ATP6AP1: variants seen among roughly 807,000 people sequenced by gnomAD.
The protein encoded by ATP6AP1 is ATPase H+ transporting accessory protein 1.
A neutral mutation model predicts 32.0 loss-of-function variants in ATP6AP1; 1 was observed. The ratio of observed to expected loss-of-function variants is 0.03; its 90% confidence interval spans 0.01 to 0.15. ATP6AP1 has a LOEUF of 0.15. Among genes scored for constraint, ATP6AP1 ranks in the 10% least tolerant of loss-of-function variants. The pLI is 1.00. For synonymous variants in ATP6AP1, 187 were observed against 174.9 expected, an observed-to-expected ratio of 1.07 and a Z score of -0.55; for missense variants, 297 against 398.8, an observed-to-expected ratio of 0.74 and a Z score of 2.17.
Position 154,436,195 on chromosome X carries a change from A to G in ATP6AP1, c.*304A>G, listed in dbSNP as rs2068718765. On this transcript the variant is annotated 3_prime_UTR_variant, in exon 10 of 10. Transcript: ENST00000369762. ...TTTCTCCTTATTTATTCTTGTGGCT[A>G]CATCATCCCTGGCTGTGGATAGTGC... The G allele has an allele frequency of 3.0e-6, 1 of 329,702 alleles. No homozygotes were observed. The highest frequency in any genetic ancestry group is 5.3e-6 in the Non-Finnish European group (1 of 189,110). 27.2% of individuals were successfully genotyped at this position (329,702 alleles called of 1,213,427 possible).
intron 7 of ATP6AP1, 101 bp from the exon 8 acceptor site, chrX:154,435,038 C>G: frequency 1.0e-6 from 1 of 966,100 alleles, no homozygotes; most frequent in Non-Finnish European, 1.4e-6. Context: ...TGCAAGGACC[C>G]AAGGCAGCTT....
At chrX:154,431,796 A>G in intron 2 of ATP6AP1, 34 bp from the exon 3 acceptor site, 1 of 1,201,029 alleles carries the variant, frequency 8.3e-7, no homozygotes, top group Non-Finnish European at 1.1e-6. Context: ...CACTTGCCAA[A>G]CCTCCTCAGA....
At position 154,432,336 on chromosome X, in the gene ATP6AP1, C is replaced by T. The variant is rs782585256; in HGVS notation, c.434C>T (p.Thr145Ile). The change falls in exon 4 of 10, where the codon ACC (threonine) becomes ATC (isoleucine). Residue 145 changes from threonine to isoleucine, a missense_variant. By Grantham distance (89) the Thr-to-Ile change is moderately conservative (BLOSUM62 -1). Transcript: ENST00000369762. ...GACTGGTATGCAGTCAGCACTCTGA[C>T]CACTTACCTGCAGGAGAAGCTCGGG... ...AVDWYAVSTL[T>I]TYLQEKLGAS... is the part of the protein sequence containing the mutation. The T allele has an allele frequency of 3.3e-6, 4 of 1,212,406 alleles. No homozygotes were observed. In the Admixed American group the frequency reaches 8.7e-5, roughly 26 times the overall value.
At chrX:154,432,057 G>A (rs1288636823) in intron 3 of ATP6AP1, among the ~76,000 whole-genome samples, 153 bp downstream of exon 3, 2 of 112,093 alleles carry the variant, frequency 1.8e-5, no homozygotes, top group African/African-American at 6.5e-5. Context: ...AACAACAAAA[G>A]CCACCTCATA....
intron 4 of ATP6AP1, among the ~76,000 whole-genome samples, chrX:154,432,696 G>A (rs781817555): frequency 3.6e-5 from 4 of 112,361 alleles, no homozygotes; most frequent in East Asian, 2.8e-4. Flanking sequence ...TGAGCCCTGC[G>A]GGTGGGGAGC....
intron 4 of ATP6AP1, among the ~76,000 whole-genome samples, 185 bp from the exon 5 acceptor site, chrX:154,432,746 C>A (rs1388710972): frequency 5.4e-5 from 6 of 111,751 alleles, no homozygotes; most frequent in African/African-American, 2.0e-4. Flanking sequence ...AGCAGGTGGC[C>A]AGGACTTGAG....
Position 154,435,122 on chromosome X carries a change from T to C in ATP6AP1, c.924-17T>C, listed in dbSNP as rs781923057. The C allele has an allele frequency of 8.6e-5, 104 of 1,205,189 alleles. No homozygotes were observed. In the East Asian group the frequency reaches 3.1e-3, roughly 35 times the overall value. ...CTCCCAGAGCCTCACAGTGCGCCTC[T>C]TTCTCTGGCCCCACAGGCTCTCACT... On this transcript the variant is annotated splice_polypyrimidine_tract_variant and intron_variant, in intron 7 of 9. Transcript: ENST00000369762.
rs1557196970 is a variant in ATP6AP1, at chrX:154,432,417, G to C, written c.515G>C (p.Ser172Thr). 1 of 1,202,666 alleles carries C rather than the reference G, an allele frequency of 8.3e-7. No homozygotes were observed. Among genetic ancestry groups the C allele is most frequent in the Non-Finnish European group, 1.1e-6 (1 of 890,864 alleles). ...ATLRELKLNA[S>T]LPALLLIRLP... Reference sequence around the variant, plus strand: ...CTGCGGGAGCTGAAGCTCAATGCCAGCCTCCCTGCTCTGCTGCTCATTCGC... The same window carrying C: ...CTGCGGGAGCTGAAGCTCAATGCCACCCTCCCTGCTCTGCTGCTCATTCGC... The change falls in exon 4 of 10, where the codon AGC becomes ACC. Residue 172 changes from serine to threonine, a missense_variant. Coordinates refer to ENST00000369762, the MANE Select transcript of ATP6AP1 (RefSeq NM_001183.6).
At position 154,432,353 on chromosome X, in the gene ATP6AP1, A is replaced by C. The variant is rs782418554; in HGVS notation, c.451A>C (p.Lys151Gln). 3 of 1,211,079 alleles carry C rather than the reference A, an allele frequency of 2.5e-6. No homozygotes were observed. Among genetic ancestry groups the C allele is most frequent in the African/African-American group, 1.7e-5 (1 of 57,637 alleles). ...CACTCTGACCACTTACCTGCAGGAG[A>C]AGCTCGGGGCCAGCCCCTTGCATGT... ...VSTLTTYLQE[K>Q]LGASPLHVDL... The change falls in exon 4 of 10, where the codon AAG (lysine) becomes CAG (glutamine). Residue 151 changes from lysine (K) to glutamine (Q), a missense_variant. Lys to Gln is a moderately conservative substitution (Grantham distance 53). Around this residue, in one of 2 missense-constraint regions of ATP6AP1, gnomAD observed 142 missense variants for 145.0 expected, o/e 0.98. Transcript: ENST00000369762.
chrX:154,432,231 G>A, intron 3 of ATP6AP1, 35 bp from the exon 4 acceptor site: 1 of 1,154,378 alleles, frequency 8.7e-7, no homozygotes, highest in African/African-American at 1.8e-5. Flanking sequence ...ACTGGCCCCT[G>A]GCTAACTCAC....
At position 154,436,169 on chromosome X, in the gene ATP6AP1, C is replaced by G. The variant is rs782250980; in HGVS notation, c.*278C>G. On this transcript the variant is annotated 3_prime_UTR_variant, in exon 10 of 10. Coordinates refer to ENST00000369762, the MANE Select transcript of ATP6AP1 (RefSeq NM_001183.6). ...TAAGGGACATGAATTCTAGGGTCTC[C>G]TTTCTCCTTATTTATTCTTGTGGCT... 2.0e-4 allele frequency: 74 copies of G among 367,918 alleles called. 1 individual carries two copies. The South Asian group carries it at 3.7e-3, about 18-fold the overall frequency. 30.3% of individuals were successfully genotyped at this position (367,918 alleles called of 1,213,427 possible).
In ATP6AP1 at chrX:154,428,718, G is replaced by T. The variant is rs782582475; in HGVS notation, c.26G>T (p.Arg9Leu). The change falls in exon 1 of 10, where the codon CGA (arginine) becomes CTA (leucine). Residue 9 changes from arginine (R) to leucine (L), a missense_variant. Physicochemically the swap from Arg to Leu is moderately radical, Grantham distance 102. Transcript: ENST00000369762. MMAAMATARVRMGPRCAQA... is the reference protein window; with the variant it reads MMAAMATALVRMGPRCAQA... ...ATGATGGCGGCCATGGCGACGGCTC[G>T]AGTGCGGATGGGGCCGCGGTGCGCC... The T allele has an allele frequency of 1.7e-6, 2 of 1,149,789 alleles. No homozygotes were observed. Among genetic ancestry groups the T allele is most frequent in the Middle Eastern group, 2.4e-4 (1 of 4,202 alleles). 94.8% of individuals were successfully genotyped at this position (1,149,789 alleles called of 1,213,427 possible). A position where few individuals can be genotyped will look rare whatever the true frequency, so the allele number is the denominator to read the frequency against.
In ATP6AP1 at chrX:154,435,875, T is replaced by C. The variant is rs782069740; in HGVS notation, c.1397T>C (p.Leu466Ser). 1.6e-5 allele frequency: 19 copies of C among 1,207,252 alleles called. No individual in the cohort carries two copies. In the South Asian group the frequency reaches 2.6e-4, roughly 17 times the overall value. Reference sequence around the variant, plus strand: ...GACCACAAGGGCCCCACTATTTCTTTGACCCAGATTGTGTGACCCTGTGCC... The same window carrying C: ...GACCACAAGGGCCCCACTATTTCTTCGACCCAGATTGTGTGACCCTGTGCC... Reference protein sequence around the residue: ...FDDHKGPTISLTQIV With the variant: ...FDDHKGPTISSTQIV Residue 466 changes from leucine to serine, a missense_variant, in exon 10 of 10, where the codon TTG becomes TCG. By Grantham distance (145) the Leu-to-Ser change is moderately radical (BLOSUM62 -2). Coordinates refer to ENST00000369762, the MANE Select transcript of ATP6AP1 (RefSeq NM_001183.6).
rs1603384235 is a variant in ATP6AP1 at position 154,432,861 on chromosome X, C to T, written c.558-70C>T. 1.7e-5 allele frequency: 19 copies of T among 1,143,501 alleles called. No homozygotes were observed. The Middle Eastern group carries it at 7.2e-4, about 44-fold the overall frequency. The allele number at this position is 1,143,501 out of a possible 1,213,427, so 94.2% of individuals were successfully genotyped here. On this transcript the variant is annotated intron_variant, in intron 4 of 9. Transcript: ENST00000369762. Reference sequence around the variant, plus strand: ...GCTAGTGGGGAGGAGAAGCTGGGGTCGGGGAAGGGTAGTGGGCAGTGCAGG... The same window carrying T: ...GCTAGTGGGGAGGAGAAGCTGGGGTTGGGGAAGGGTAGTGGGCAGTGCAGG...
At chrX:154,434,656 C>T (rs190219817) in intron 7 of ATP6AP1, among the ~76,000 whole-genome samples, 1 of 111,706 alleles carries the variant, frequency 9.0e-6, no homozygotes, top group African/African-American at 3.3e-5. Flanking sequence ...TCTGCCTCCC[C>T]ATGCTTGCGA....
At position 154,428,714 on chromosome X, in the gene ATP6AP1, G is replaced by A. The variant is rs1476028984; in HGVS notation, c.22G>A (p.Ala8Thr). The change falls in exon 1 of 10, where the codon GCT becomes ACT. Residue 8 changes from alanine to threonine, a missense_variant. Transcript: ENST00000369762. ...GGCTATGATGGCGGCCATGGCGACG[G>A]CTCGAGTGCGGATGGGGCCGCGGTG... MMAAMAT[A>T]RVRMGPRCAQ... 6 of 1,149,204 alleles carry A rather than the reference G, an allele frequency of 5.2e-6. No homozygotes were observed. The highest frequency in any genetic ancestry group is 6.9e-6 in the Non-Finnish European group (6 of 868,519). 94.7% of individuals were successfully genotyped at this position (1,149,204 alleles called of 1,213,427 possible).
chrX:154,433,051 C>T (rs377497443), intron 5 of ATP6AP1, 80 bp downstream of exon 5: 1,233 of 1,099,801 alleles, frequency 1.1e-3, no homozygotes, highest in Non-Finnish European at 1.3e-3. Context: ...TGCAGTTCCT[C>T]GGCCTCCTCA....
rs2068715108 is a variant in ATP6AP1 at position 154,435,607 on chromosome X, C to T, written c.1204-75C>T. The T allele has an allele frequency of 6.0e-6, 7 of 1,167,281 alleles. No homozygotes were observed. In the South Asian group the frequency reaches 1.1e-4, roughly 18 times the overall value. ...TGGGCATGTAGTTGAGAGTCCTGTC[C>T]CTGCGCTGCCCCTGTCCCAGTTCTT... is the stretch of plus-strand genomic sequence containing the variant. On this transcript the variant is annotated intron_variant, in intron 9 of 9. Transcript: ENST00000369762.
chrX:154,433,346 C>T (rs2068703618), intron 5 of ATP6AP1, among the ~76,000 whole-genome samples: 1 of 112,499 alleles, frequency 8.9e-6, no homozygotes, highest in Non-Finnish European at 1.9e-5. Context: ...GAAAGGCAGT[C>T]GTGAACCTTT....
Sources: allele counts gnomAD v4.1 joint callset (sites outside exome capture counted in the v4.1 genomes callset), GRCh38; gene constraint gnomAD v4.1.1; regional missense constraint gnomAD v4.1.1; transcripts MANE v1.5; gene names NCBI Gene and HGNC (gene_info 2026-07-23, HGNC 2026-07-21).